RUFY3: variants seen among roughly 807,000 people sequenced by gnomAD.
RUFY3 encodes RUN and FYVE domain containing 3, also known as protein RUFY3.
Under a neutral mutation model 84.0 loss-of-function variants are expected in RUFY3, and 34 were observed. The ratio of observed to expected loss-of-function variants is 0.40; its 90% confidence interval spans 0.31 to 0.54. The LOEUF (loss-of-function observed/expected upper bound fraction) is 0.54, where lower values mean the gene tolerates loss of function less well. RUFY3 is among the 20% of genes least tolerant of loss of function. The probability of loss-of-function intolerance (pLI) is 0.39; values close to 1 mark genes in which losing one functional copy is unlikely to be tolerated. For synonymous variants in RUFY3, 242 were observed against 252.9 expected, an observed-to-expected ratio of 0.96 and a Z score of 0.41; for missense variants, 507 against 736.8, an observed-to-expected ratio of 0.69 and a Z score of 3.61.
intron 4 of RUFY3, among the ~76,000 whole-genome samples, chr4:70,766,286 C>G (rs1018273323): frequency 6.6e-6 from 1 of 152,058 alleles, no homozygotes; most frequent in Non-Finnish European, 1.5e-5. Context: ...GCTCTGTCAC[C>G]CAGGTTGGAG....
chr4:70,767,489 T>G (rs1022372362), intron 4 of RUFY3, among the ~76,000 whole-genome samples: 1 of 152,020 alleles, frequency 6.6e-6, no homozygotes, highest in Non-Finnish European at 1.5e-5. Context: ...CTCCCAAATT[T>G]TGGCAATTAA....
intron 1 of RUFY3, among the ~76,000 whole-genome samples, chr4:70,734,098 G>A (rs1719894113): frequency 6.6e-6 from 1 of 151,834 alleles, no homozygotes. Flanking sequence ...TTTCTATTAG[G>A]CATTTTATTT....
chr4:70,744,035 C>T (rs1721746271), intron 1 of RUFY3, among the ~76,000 whole-genome samples: 2 of 152,102 alleles, frequency 1.3e-5, no homozygotes, highest in Admixed American at 1.3e-4. Context: ...AATAGCAATT[C>T]AGGGTCTGGG....
At chr4:70,733,087 GA>G (rs1719593957) in intron 1 of RUFY3, among the ~76,000 whole-genome samples, 3 of 85,256 alleles carry the variant, frequency 3.5e-5, no homozygotes, top group African/African-American at 1.7e-4. Context: ...GAGAGAGAGA[GA>G]GAGAGAGGAG....
At chr4:70,708,254 C>G (rs1740572198) in intron 1 of RUFY3, among the ~76,000 whole-genome samples, 1 of 152,162 alleles carries the variant, frequency 6.6e-6, no homozygotes. Context: ...TGACTGCAAC[C>G]TCTTCCTTCC....
chr4:70,738,458 G>C (rs980084578), intron 1 of RUFY3, among the ~76,000 whole-genome samples: 1 of 147,762 alleles, frequency 6.8e-6, no homozygotes. Context: ...CGCCTCCCGG[G>C]TTGAAGCAAT....
At chr4:70,749,408 A>T (rs536760869) in intron 1 of RUFY3, among the ~76,000 whole-genome samples, 1 of 152,184 alleles carries the variant, frequency 6.6e-6, no homozygotes, top group East Asian at 1.9e-4. Context: ...ATTTTTTTTT[A>T]ATCTATTAAA....
rs148794064 is a variant in RUFY3, at chr4:70,773,549, G to T, written c.735G>T (p.Gly245=). The T allele has an allele frequency of 2.5e-6, 4 of 1,611,540 alleles. No individual in the cohort carries two copies. Among genetic ancestry groups the T allele is most frequent in the Non-Finnish European group, 2.5e-6 (3 of 1,177,958 alleles). ...ATTTTTCAATGTATCTCAAGGACGG[G>T]AACAGCAGTAAAGGTACTGAAGGGT... The part of the protein sequence containing the change: ...VIDFSMYLKD[G]NSSKGTEGDG... The change falls in exon 6 of 18, where the codon GGG becomes GGT. Residue 245 remains glycine, a synonymous_variant. Coordinates refer to ENST00000381006, the MANE Select transcript of RUFY3 (RefSeq NM_001037442.4).
At chr4:70,796,946 CTT>C (rs1203826586) in intron 14 of RUFY3, among the ~76,000 whole-genome samples, 7 of 135,136 alleles carry the variant, frequency 5.2e-5, no homozygotes, top group Non-Finnish European at 7.9e-5. Flanking sequence ...CTTTTCTTTT[CTT>C]TTTTTTTTTT....
At chr4:70,706,644 C>A (rs1350898273) in intron 1 of RUFY3, among the ~76,000 whole-genome samples, 1 of 152,168 alleles carries the variant, frequency 6.6e-6, no homozygotes, top group African/African-American at 2.4e-5. Context: ...TGTGATTCAG[C>A]TGGAGGTTGC....
chr4:70,726,197 A>AG (rs1287787032), intron 1 of RUFY3, among the ~76,000 whole-genome samples: 1 of 152,064 alleles, frequency 6.6e-6, no homozygotes, highest in Non-Finnish European at 1.5e-5. Flanking sequence ...CCGATGACTG[A>AG]GGGGCTGGGT....
chr4:70,722,649 A>G lies in RUFY3; in HGVS notation c.76A>G (p.Ile26Val), dbSNP rs1742467189. 1 of 1,613,938 alleles carries G rather than the reference A, an allele frequency of 6.2e-7. No individual in the cohort carries two copies. The highest frequency in any genetic ancestry group is 8.5e-7 in the Non-Finnish European group (1 of 1,180,016). The part of the protein sequence containing the change: ...DKITQAAMET[I>V]YLCKFRVSMD... ...GATCACACAGGCTGCCATGGAGACCATCTACCTTTGCAAATTCCGAGTGTC... is the reference window on the plus strand; with the variant it reads ...GATCACACAGGCTGCCATGGAGACCGTCTACCTTTGCAAATTCCGAGTGTC... Residue 26 changes from isoleucine to valine, a missense_variant, in exon 1 of 18, where the codon ATC (isoleucine) becomes GTC (valine). Physicochemically the swap from Ile to Val is conservative, Grantham distance 29 (BLOSUM62 3). Transcript: ENST00000381006.
chr4:70,736,154 A>T (rs1163411650), intron 1 of RUFY3, among the ~76,000 whole-genome samples: 1 of 145,936 alleles, frequency 6.9e-6, no homozygotes, highest in Non-Finnish European at 1.5e-5. Context: ...CCCTGTCTCA[A>T]AAAAAAAAAA....
intron 10 of RUFY3, among the ~76,000 whole-genome samples, chr4:70,787,800 A>G (rs1730146234): frequency 6.6e-6 from 1 of 152,170 alleles, no homozygotes; most frequent in Non-Finnish European, 1.5e-5. Flanking sequence ...AAAATTTTTC[A>G]TATCCTTTTA....
chr4:70,800,273 T>G (rs1732055597), intron 15 of RUFY3, 68 bp downstream of exon 15: 1 of 1,195,482 alleles, frequency 8.4e-7, no homozygotes, highest in African/African-American at 1.6e-5. Context: ...AGGGAGTTCT[T>G]TATATACATT....
At position 70,773,589 on chromosome 4, in the gene RUFY3, T is replaced by G; in HGVS notation, c.758+17T>G. 2 of 1,567,284 alleles carry G rather than the reference T, an allele frequency of 1.3e-6. No individual in the cohort carries two copies. The highest frequency in any genetic ancestry group is 1.8e-6 in the Non-Finnish European group (2 of 1,139,536). ...TACTGAAGGGTACGTACAAAGAAAATTAGATTTCTTTTCTCCTGATGTAGC... is the reference window on the plus strand; with the variant it reads ...TACTGAAGGGTACGTACAAAGAAAAGTAGATTTCTTTTCTCCTGATGTAGC... On this transcript the variant is annotated intron_variant, in intron 6 of 17. Coordinates refer to ENST00000381006, the MANE Select transcript of RUFY3 (RefSeq NM_001037442.4).
At chr4:70,769,183 C>G (rs1726512257) in intron 5 of RUFY3, among the ~76,000 whole-genome samples, 1 of 151,876 alleles carries the variant, frequency 6.6e-6, no homozygotes. Context: ...CCCGTCTCTA[C>G]AAAAAATAAA....
At chr4:70,777,006 T>C (rs1728083354) in intron 7 of RUFY3, among the ~76,000 whole-genome samples, 1 of 152,234 alleles carries the variant, frequency 6.6e-6, no homozygotes. Flanking sequence ...ATACTCATAC[T>C]TCCCTCTATT....
chr4:70,704,302 C>CAGTGAAACTCA (rs1423671423), upstream of RUFY3: 2 of 152,294 alleles, frequency 1.3e-5, no homozygotes, highest in African/African-American at 2.4e-5. Flanking sequence ...CTCAATACTC[C>CAGTGAAACTCA]AAACAGTGAA....
Sources: gnomAD v4.1 joint callset for allele counts (sites outside exome capture counted in the v4.1 genomes callset) on GRCh38, gnomAD v4.1.1 for gene constraint, MANE v1.5 for transcripts, NCBI Gene and HGNC (gene_info 2026-07-23, HGNC 2026-07-21) for gene names.